The following VTI1A variants were observed in gnomAD, a reference collection of about 807,000 sequenced individuals.
VTI1A encodes vesicle transport through interaction with t-SNAREs homolog 1A.
In VTI1A, 22 loss-of-function variants were observed where a neutral mutation model predicts 34.9. That is an observed-to-expected ratio of 0.63 (90% CI 0.45 to 0.90). The LOEUF (loss-of-function observed/expected upper bound fraction) is 0.90. VTI1A is among the 40% of genes least tolerant of loss of function. VTI1A has a pLI of 0.00. For missense variants in VTI1A, 268 were observed against 275.6 expected (o/e 0.97, Z 0.20); for synonymous variants, 87 against 97.3 (o/e 0.89, Z 0.62).
chr10:112,851,369 T>C, the VTI1A span, among the ~76,000 whole-genome samples: 1 of 152,242 alleles, frequency 6.6e-6, no homozygotes, highest in African/African-American at 2.4e-5. Flanking sequence ...TGACATGATA[T>C]GTGTCATACT....
chr10:112,613,588 A>G (rs907453250), intron 5 of VTI1A, among the ~76,000 whole-genome samples: 1 of 152,076 alleles, frequency 6.6e-6, no homozygotes, highest in Admixed American at 6.5e-5. Flanking sequence ...TTCACTGCCT[A>G]ACTTTAAATT....
At chr10:112,729,209 G>C (rs1469783256) in intron 7 of VTI1A, among the ~76,000 whole-genome samples, 1 of 152,138 alleles carries the variant, frequency 6.6e-6, no homozygotes, top group Non-Finnish European at 1.5e-5. Context: ...GTCACTTAAA[G>C]AGGCCAATGA....
At chr10:112,717,821 G>T (rs1160946154) in intron 7 of VTI1A, among the ~76,000 whole-genome samples, 1 of 152,178 alleles carries the variant, frequency 6.6e-6, no homozygotes, top group Admixed American at 6.5e-5. Flanking sequence ...GTGGCAGGTT[G>T]ACGAAGACCA....
At chr10:112,705,475 C>G (rs1380202805) in intron 7 of VTI1A, among the ~76,000 whole-genome samples, 2 of 152,180 alleles carry the variant, frequency 1.3e-5, no homozygotes, top group African/African-American at 4.8e-5. Context: ...AGAACTGTCC[C>G]AGAAGAACCA....
At chr10:112,853,975 C>A in the VTI1A span, among the ~76,000 whole-genome samples, 1 of 152,166 alleles carries the variant, frequency 6.6e-6, no homozygotes, top group South Asian at 2.1e-4. Flanking sequence ...ATCCTCAGAT[C>A]CTCCGAGAAG....
chr10:112,732,662 C>T (rs1850306428), intron 7 of VTI1A, among the ~76,000 whole-genome samples: 2 of 152,156 alleles, frequency 1.3e-5, no homozygotes, highest in Non-Finnish European at 2.9e-5. Context: ...TTTGGAGATC[C>T]ATTACTGGGC....
chr10:112,635,706 G>A (rs1377053719), intron 5 of VTI1A, among the ~76,000 whole-genome samples: 4 of 152,158 alleles, frequency 2.6e-5, no homozygotes, highest in African/African-American at 9.7e-5. Context: ...TTCAAAGAAA[G>A]ATTTGAGAAA....
intron 5 of VTI1A, among the ~76,000 whole-genome samples, chr10:112,635,657 C>T (rs1177409457): frequency 1.3e-5 from 2 of 151,908 alleles, no homozygotes; most frequent in East Asian, 3.9e-4. Flanking sequence ...TGAGAGGTTA[C>T]AACAGTAGGA....
intron 7 of VTI1A, chr10:112,737,314 C>A: frequency 9.8e-7 from 1 of 1,018,372 alleles, no homozygotes; most frequent in Non-Finnish European, 1.2e-6. Flanking sequence ...GATCTCTTAA[C>A]CTTGTGAGCC....
chr10:112,772,342 T>A (rs1851835341), intron 7 of VTI1A, among the ~76,000 whole-genome samples: 1 of 152,224 alleles, frequency 6.6e-6, no homozygotes, highest in African/African-American at 2.4e-5. Context: ...TGGTCATTGT[T>A]ATATCTTCTT....
intron 7 of VTI1A, among the ~76,000 whole-genome samples, chr10:112,703,956 G>A (rs1180093320): frequency 6.6e-6 from 1 of 152,188 alleles, no homozygotes; most frequent in Non-Finnish European, 1.5e-5. Context: ...ATATTAATAT[G>A]TTAGGTTTAT....
chr10:112,816,779 G>A lies in VTI1A; in HGVS notation c.*1396G>A, dbSNP rs868113902. The A allele has an allele frequency of 7.9e-5, 18 of 228,210 alleles. No individual in the cohort carries two copies. Among genetic ancestry groups the A allele is most frequent in the Non-Finnish European group, 1.2e-4 (14 of 114,946 alleles). The allele number at this position is 228,210 out of a possible 1,614,324, so 14.1% of individuals were successfully genotyped here. A position where few individuals can be genotyped will look rare whatever the true frequency, so the allele number is the denominator to read the frequency against. On this transcript the variant is annotated 3_prime_UTR_variant, in exon 8 of 8. Transcript: ENST00000393077. Reference sequence around the variant, plus strand: ...TCAAAAATGCTAACCACCTGTGCCCGTGGATCAATATCACCTGGATGTAGT... The same window carrying A: ...TCAAAAATGCTAACCACCTGTGCCCATGGATCAATATCACCTGGATGTAGT...
chr10:112,689,653 A>C (rs1262741371), intron 7 of VTI1A, among the ~76,000 whole-genome samples: 1 of 152,200 alleles, frequency 6.6e-6, no homozygotes, highest in African/African-American at 2.4e-5. Context: ...TCCTCGGGGC[A>C]GCTAAAGCAG....
intron 5 of VTI1A, among the ~76,000 whole-genome samples, chr10:112,545,212 A>G (rs74158740): frequency 0.016 from 2,380 of 152,330 alleles, 63 homozygotes; most frequent in African/African-American, 0.053. Flanking sequence ...TTCTTTAACA[A>G]TTGGCGTGTG....
chr10:112,692,211 G>A (rs1041204936), intron 7 of VTI1A, among the ~76,000 whole-genome samples: 12 of 152,156 alleles, frequency 7.9e-5, no homozygotes, highest in Non-Finnish European at 1.8e-4. Context: ...CTCCCTATCT[G>A]TGCAGAAATG....
chr10:112,608,704 A>G, intron 5 of VTI1A, among the ~76,000 whole-genome samples: 1 of 152,286 alleles, frequency 6.6e-6, no homozygotes, highest in South Asian at 2.1e-4. Context: ...ATATTTGAAA[A>G]CAATTCTATT....
chr10:112,570,368 A>T (rs771883691), intron 5 of VTI1A, among the ~76,000 whole-genome samples: 1 of 152,170 alleles, frequency 6.6e-6, no homozygotes, highest in African/African-American at 2.4e-5. Flanking sequence ...GGGAAAAAAA[A>T]ATTGAAAGAA....
chr10:112,627,039 C>G (rs1244884215), intron 5 of VTI1A, among the ~76,000 whole-genome samples: 1 of 152,186 alleles, frequency 6.6e-6, no homozygotes, highest in Non-Finnish European at 1.5e-5. Context: ...AGTTGCCTGG[C>G]AGATAATTGA....
intron 5 of VTI1A, among the ~76,000 whole-genome samples, chr10:112,634,518 C>T (rs1377755892): frequency 1.5e-4 from 7 of 46,640 alleles, no homozygotes; most frequent in African/African-American, 5.1e-4. Flanking sequence ...CACACATACA[C>T]ACACACACAC....
Sources: allele counts gnomAD v4.1 joint callset (sites outside exome capture counted in the v4.1 genomes callset), GRCh38; gene constraint gnomAD v4.1.1; transcripts MANE v1.5; gene names NCBI Gene and HGNC (gene_info 2026-07-23, HGNC 2026-07-21).